The following LRP2 variants were observed in gnomAD, a reference collection of about 807,000 sequenced individuals.
LRP2 encodes LDL receptor related protein 2, also known as low-density lipoprotein receptor-related protein 2.
Under a neutral mutation model 531.0 loss-of-function variants are expected in LRP2, and 172 were observed. That is an observed-to-expected ratio of 0.32 (90% CI 0.29 to 0.37). The LOEUF (loss-of-function observed/expected upper bound fraction) is 0.37, where lower values mean the gene tolerates loss of function less well. Ranked by LOEUF, LRP2 falls within the 10% of genes least tolerant of loss-of-function variation. The pLI, the probability that LRP2 is intolerant of heterozygous loss-of-function variation, is 1.00. For synonymous variants in LRP2, 1,992 were observed against 2,027.6 expected (o/e 0.98, Z 0.47); for missense variants, 5,167 against 5,868.3 (o/e 0.88, Z 3.90).
At chr2:169,273,296 A>G (rs1488264914) in intron 14 of LRP2, among the ~76,000 whole-genome samples, 1 of 152,096 alleles carries the variant, frequency 6.6e-6, no homozygotes, top group South Asian at 2.1e-4. Context: ...GGTGGCAAAA[A>G]AAAAGAAAGG....
chr2:169,182,108 G>T, intron 51 of LRP2, 59 bp downstream of exon 51: 1 of 1,600,564 alleles, frequency 6.2e-7, no homozygotes, highest in Non-Finnish European at 8.6e-7. Context: ...CAGCCTTCTC[G>T]GTAACAGAGG....
intron 58 of LRP2, among the ~76,000 whole-genome samples, chr2:169,171,630 G>A (rs532736542): frequency 6.6e-6 from 1 of 152,114 alleles, no homozygotes; most frequent in South Asian, 2.1e-4. Flanking sequence ...AGTGTCTCTG[G>A]GTTAGCACCC....
chr2:169,129,208 CA>C (rs1685198969), intron 77 of LRP2, 124 bp from the exon 78 acceptor site: 1 of 743,896 alleles, frequency 1.3e-6, no homozygotes. Flanking sequence ...GACCTGGGAC[CA>C]TGTGATTCAG....
chr2:169,338,198 A>G (rs1263712606), intron 1 of LRP2, among the ~76,000 whole-genome samples: 1 of 150,454 alleles, frequency 6.6e-6, no homozygotes, highest in East Asian at 1.9e-4. Flanking sequence ...GAGAGAAAGA[A>G]AAGAAAGAAA....
At chr2:169,239,835 C>A (rs1559034863) in intron 25 of LRP2, 60 bp from the exon 26 acceptor site, 3 of 1,413,022 alleles carry the variant, frequency 2.1e-6, no homozygotes, top group Non-Finnish European at 2.0e-6. Context: ...TTCTTTGATT[C>A]ACTCTTATGC....
chr2:169,181,703 A>T, intron 51 of LRP2, 85 bp from the exon 52 acceptor site: 1 of 1,225,368 alleles, frequency 8.2e-7, no homozygotes, highest in Non-Finnish European at 1.2e-6. Flanking sequence ...ATTTAGAGAA[A>T]TGGAGTCTGC....
chr2:169,360,891 C>T (rs1404527705), intron 1 of LRP2, among the ~76,000 whole-genome samples: 1 of 152,134 alleles, frequency 6.6e-6, no homozygotes, highest in Non-Finnish European at 1.5e-5. Context: ...AAGGAGCTTA[C>T]GCTAAGAATT....
rs1330002487 is a variant in LRP2 at position 169,191,939 on chromosome 2, A to G, written c.8925T>C (p.Asp2975=). The G allele has an allele frequency of 2.5e-6, 4 of 1,613,942 alleles. No individual in the cohort carries two copies. Among genetic ancestry groups the G allele is most frequent in the East Asian group, 2.2e-5 (1 of 44,890 alleles). Residue 2975 remains aspartate (D), a synonymous_variant, in exon 48 of 79, where the codon GAT becomes GAC. Coordinates refer to ENST00000649046, the MANE Select transcript of LRP2 (RefSeq NM_004525.3). The part of the protein sequence containing the change: ...CIPQSWVCDG[D]VDCTDGYDEN... ...CATCGTAGCCGTCAGTACAATCCAC[A>G]TCGCCATCACAGACCCAAGACTGGG...
At chr2:169,334,701 T>G (rs571474553) in intron 1 of LRP2, among the ~76,000 whole-genome samples, 1 of 152,334 alleles carries the variant, frequency 6.6e-6, no homozygotes, top group East Asian at 1.9e-4. Flanking sequence ...GTGTCTCATT[T>G]ACCACTGAAC....
chr2:169,352,374 CCTT>C (rs1254945712), intron 1 of LRP2, among the ~76,000 whole-genome samples: 2 of 152,124 alleles, frequency 1.3e-5, no homozygotes, highest in African/African-American at 2.4e-5. Context: ...AGAGTCCTGT[CCTT>C]CTTGTTGTAG....
intron 46 of LRP2, among the ~76,000 whole-genome samples, chr2:169,196,201 C>A (rs528355144): frequency 6.6e-6 from 1 of 152,308 alleles, no homozygotes; most frequent in Non-Finnish European, 1.5e-5. Context: ...CCATATGTGG[C>A]TGCATTTGAG....
At chr2:169,184,441 G>C (rs1411322114) in intron 50 of LRP2, among the ~76,000 whole-genome samples, 2 of 152,180 alleles carry the variant, frequency 1.3e-5, no homozygotes, top group Admixed American at 6.5e-5. Context: ...ATAAGGATGT[G>C]GGGAAGAGCC....
intron 43 of LRP2, 32 bp from the exon 44 acceptor site, chr2:169,201,902 T>G: frequency 1.9e-6 from 3 of 1,613,254 alleles, no homozygotes; most frequent in Non-Finnish European, 2.5e-6. Flanking sequence ...GAACAAACCC[T>G]CTTGATTAAA....
In LRP2 at chr2:169,255,495, A is replaced by G. The variant is rs1250253486; in HGVS notation, c.2770+611T>C. Among the ~76,000 whole-genome samples, 4 of 150,660 alleles carry G rather than the reference A, an allele frequency of 2.7e-5. No homozygotes were observed. In the Admixed American group the frequency reaches 2.7e-4, roughly 10 times the overall value. ...TTCATGCTTCTCAGCAATCTTCACT[A>G]GTAGCATGAAATTATTTGGAAAGGT... On this transcript the variant is annotated intron_variant, in intron 19 of 78. Transcript: ENST00000649046.
At position 169,206,216 on chromosome 2, in the gene LRP2, CA is replaced by C. The variant is rs770717546; in HGVS notation, c.7391-29del. ...GGACACATACAGGCAGACACACACACAAGCACACACAAAGACATTAGAGTCT... is the reference window on the plus strand; with the variant it reads ...GGACACATACAGGCAGACACACACACAGCACACACAAAGACATTAGAGTCT... On this transcript the variant is annotated intron_variant, in intron 39 of 78. Coordinates refer to ENST00000649046, the MANE Select transcript of LRP2 (RefSeq NM_004525.3). The C allele has an allele frequency of 1.9e-6, 3 of 1,614,006 alleles. No homozygotes were observed. In the East Asian group the frequency reaches 6.7e-5, roughly 36 times the overall value.
At chr2:169,320,686 A>G in intron 2 of LRP2, 91 bp downstream of exon 2, 1 of 1,067,556 alleles carries the variant, frequency 9.4e-7, no homozygotes, top group African/African-American at 1.5e-5. Context: ...TGTCACTAAA[A>G]GGCATAGCTC....
At chr2:169,244,573 A>G (rs544832665) in intron 22 of LRP2, 120 bp downstream of exon 22, 38 of 1,311,928 alleles carry the variant, frequency 2.9e-5, no homozygotes, top group Non-Finnish European at 4.0e-5. Flanking sequence ...CAAGTGGAAT[A>G]GAAGTACTAA....
At chr2:169,318,643 T>C (rs1465736739) in intron 3 of LRP2, 119 bp downstream of exon 3, 18 of 1,407,140 alleles carry the variant, frequency 1.3e-5, no homozygotes, top group Non-Finnish European at 1.8e-5. Flanking sequence ...GGTTCCCTTA[T>C]GATTTAAGGC....
In LRP2 at chr2:169,282,998, A is replaced by G. The variant is rs949765390; in HGVS notation, c.1046T>C (p.Phe349Ser). Residue 349 changes from phenylalanine to serine, a missense_variant, in exon 10 of 79, where the codon TTT (phenylalanine) becomes TCT (serine). By Grantham distance (155) the Phe-to-Ser change is radical. Transcript: ENST00000649046. ...NHNDSRTCVE[F>S]DDCQIWGICD... ...AATTCCCCATATCTGGCAATCATCAAACTCTGCCATATGGAAAATACACAT... is the reference window on the plus strand; with the variant it reads ...AATTCCCCATATCTGGCAATCATCAGACTCTGCCATATGGAAAATACACAT... 3 of 1,613,992 alleles carry G rather than the reference A, an allele frequency of 1.9e-6. No homozygotes were observed. Among genetic ancestry groups the G allele is most frequent in the South Asian group, 1.1e-5 (1 of 91,062 alleles).
Sources: allele counts gnomAD v4.1 joint callset (sites outside exome capture counted in the v4.1 genomes callset), GRCh38; gene constraint gnomAD v4.1.1; transcripts MANE v1.5; gene names NCBI Gene and HGNC (gene_info 2026-07-23, HGNC 2026-07-21).